VWA3B: variants seen among roughly 807,000 people sequenced by gnomAD.
VWA3B encodes the protein von Willebrand factor A domain containing 3B, also known as von Willebrand factor A domain-containing protein 3B.
A neutral mutation model predicts 158.3 loss-of-function variants in VWA3B; 138 were observed. The observed-to-expected ratio is 0.87, with a 90% CI of 0.76 to 1.00. The LOEUF is 1.00. VWA3B is among the 50% of genes least tolerant of loss of function. The pLI is 0.00. For missense variants in VWA3B, 1,555 were observed against 1,565.1 expected (o/e 0.99, Z 0.11); for synonymous variants, 596 against 587.3 (o/e 1.01, Z -0.21).
intron 7 of VWA3B, among the ~76,000 whole-genome samples, chr2:98,160,233 T>C (rs759774902): frequency 3.9e-5 from 6 of 152,192 alleles, no homozygotes; most frequent in Admixed American, 3.9e-4. Flanking sequence ...AGTGCTTCCT[T>C]ACTGTGTGAG....
rs546521117 is a variant in VWA3B, at chr2:98,243,963, G to A, written c.2674-6355G>A. Among the ~76,000 whole-genome samples, 14 of 152,316 alleles carry A rather than the reference G, an allele frequency of 9.2e-5. No individual in the cohort carries two copies. The South Asian group carries it at 2.3e-3, about 25-fold the overall frequency. On this transcript the variant is annotated intron_variant, in intron 19 of 27. Coordinates refer to ENST00000477737, the MANE Select transcript of VWA3B (RefSeq NM_144992.5). The stretch of plus-strand genomic sequence containing the variant: ...ACTGATTTAGTTGAAAAACAGTGAA[G>A]TTGGAGAATTCAGTCAGAGTTGAAC...
chr2:98,297,437 T>G (rs1009276540), intron 23 of VWA3B, among the ~76,000 whole-genome samples: 1 of 152,222 alleles, frequency 6.6e-6, no homozygotes, highest in Non-Finnish European at 1.5e-5. Context: ...GCTGAGTATG[T>G]TCAGTCTAGT....
Position 98,312,432 on chromosome 2 carries a change from C to T in VWA3B, c.*83C>T, listed in dbSNP as rs1307651476. 2.7e-6 allele frequency: 4 copies of T among 1,508,352 alleles called. No homozygotes were observed. The South Asian group carries it at 5.3e-5, about 20-fold the overall frequency. The allele number at this position is 1,508,352 out of a possible 1,614,324, so 93.4% of individuals were successfully genotyped here. On this transcript the variant is annotated 3_prime_UTR_variant, in exon 28 of 28. Transcript: ENST00000477737. The stretch of plus-strand genomic sequence containing the variant: ...TCAGCGTTGACACTGAAACTGGCCC[C>T]TCCGCGGAGGTAAGGCCGCCCTCCG...
intron 7 of VWA3B, among the ~76,000 whole-genome samples, chr2:98,162,003 C>T (rs1678632705): frequency 6.6e-6 from 1 of 152,176 alleles, no homozygotes; most frequent in African/African-American, 2.4e-5. Flanking sequence ...GCCACCGTGC[C>T]CAGCCTGCCC....
intron 10 of VWA3B, among the ~76,000 whole-genome samples, chr2:98,188,801 T>TA (rs941818235): frequency 5.9e-5 from 9 of 151,924 alleles, no homozygotes; most frequent in East Asian, 1.9e-4. Context: ...ATAGCCTTGT[T>TA]AAAAAAAAGG....
chr2:98,234,604 T>A, intron 16 of VWA3B, 44 bp from the exon 17 acceptor site: 1 of 1,612,838 alleles, frequency 6.2e-7, no homozygotes, highest in Non-Finnish European at 8.5e-7. Flanking sequence ...AGTATCTCCT[T>A]CCATCCCCAA....
At chr2:98,239,826 A>T (rs577218224) in intron 19 of VWA3B, among the ~76,000 whole-genome samples, 1 of 151,926 alleles carries the variant, frequency 6.6e-6, no homozygotes, top group Non-Finnish European at 1.5e-5. Context: ...AGGCAGGAGA[A>T]TTGCTTGAAT....
chr2:98,255,391 C>T (rs1248334221), intron 20 of VWA3B, among the ~76,000 whole-genome samples: 1 of 145,286 alleles, frequency 6.9e-6, no homozygotes, highest in Non-Finnish European at 1.6e-5. Context: ...GTTCTCTGCC[C>T]TGCAGCTCAG....
At chr2:98,119,805 A>T in intron 4 of VWA3B, 42 bp downstream of exon 4, 1 of 1,605,740 alleles carries the variant, frequency 6.2e-7, no homozygotes, top group Non-Finnish European at 8.5e-7. Flanking sequence ...GAAAGTTCAT[A>T]GTAATTTGTA....
chr2:98,212,744 T>C (rs940992402), intron 13 of VWA3B, among the ~76,000 whole-genome samples: 5 of 152,234 alleles, frequency 3.3e-5, no homozygotes, highest in Non-Finnish European at 5.9e-5. Flanking sequence ...AGAGTAAGCA[T>C]CTGGATTTTA....
chr2:98,119,811 T>C, intron 4 of VWA3B, 48 bp downstream of exon 4: 3 of 1,600,006 alleles, frequency 1.9e-6, no homozygotes, highest in Non-Finnish European at 2.6e-6. Flanking sequence ...TCATAGTAAT[T>C]TGTACATATT....
chr2:98,250,568 G>A, intron 20 of VWA3B, 132 bp downstream of exon 20: 1 of 733,124 alleles, frequency 1.4e-6, no homozygotes, highest in African/African-American at 1.9e-5. Flanking sequence ...CAGGCTGGGT[G>A]TGGTAGTTCA....
chr2:98,266,078 G>C (rs1486684078), intron 21 of VWA3B, among the ~76,000 whole-genome samples: 20 of 149,844 alleles, frequency 1.3e-4, no homozygotes, highest in Non-Finnish European at 2.1e-4. Flanking sequence ...TTTTTCTTTT[G>C]TTGCCATTGC....
intron 4 of VWA3B, 128 bp downstream of exon 4, chr2:98,119,891 TAGA>T (rs1674836228): frequency 8.4e-7 from 1 of 1,196,610 alleles, no homozygotes; most frequent in Non-Finnish European, 1.2e-6. Flanking sequence ...TATACTTTCC[TAGA>T]AGATGTAATT....
chr2:98,230,112 A>T lies in VWA3B; in HGVS notation c.2213A>T (p.Asp738Val). The T allele has an allele frequency of 6.2e-7, 1 of 1,611,550 alleles. No homozygotes were observed. The highest frequency in any genetic ancestry group is 1.7e-4 in the Middle Eastern group (1 of 6,048). ...TPEKCAKPQS[D>V]VDSTQTSSLN... ...GAAAAGTGTGCAAAGCCTCAATCTG[A>T]TGTCGATTCAACACAAACTTCATCT... is the stretch of plus-strand genomic sequence containing the variant. The change falls in exon 16 of 28, where the codon GAT becomes GTT. Residue 738 changes from aspartate to valine, a missense_variant. Asp to Val is a radical substitution (Grantham distance 152). Coordinates refer to ENST00000477737, the MANE Select transcript of VWA3B (RefSeq NM_144992.5).
At chr2:98,139,256 A>G (rs1429822226) in intron 7 of VWA3B, among the ~76,000 whole-genome samples, 1 of 152,110 alleles carries the variant, frequency 6.6e-6, no homozygotes, top group Non-Finnish European at 1.5e-5. Flanking sequence ...AGGCCTCGGG[A>G]CTGCAGCCCG....
At chr2:98,187,829 A>G (rs765552024) in intron 9 of VWA3B, 146 bp from the exon 10 acceptor site, 5 of 813,218 alleles carry the variant, frequency 6.1e-6, no homozygotes, top group Non-Finnish European at 3.7e-6. Context: ...GCAGCGGAAC[A>G]TATTTGGTTG....
chr2:98,143,228 G>A (rs949661535), intron 7 of VWA3B, among the ~76,000 whole-genome samples: 2 of 152,064 alleles, frequency 1.3e-5, no homozygotes, highest in Admixed American at 6.6e-5. Flanking sequence ...TAGTGGAGAC[G>A]AGGTTTCACC....
chr2:98,248,786 CGT>C (rs1686563377), intron 19 of VWA3B, among the ~76,000 whole-genome samples: 1 of 152,040 alleles, frequency 6.6e-6, no homozygotes, highest in African/African-American at 2.4e-5. Flanking sequence ...AACCTATCAG[CGT>C]GTGTCCCTTT....
Sources: allele counts gnomAD v4.1 joint callset (sites outside exome capture counted in the v4.1 genomes callset), GRCh38; gene constraint gnomAD v4.1.1; transcripts MANE v1.5; gene names NCBI Gene and HGNC (gene_info 2026-07-23, HGNC 2026-07-21).